The following KDM2B variants were observed in gnomAD, a reference collection of about 807,000 sequenced individuals.
The protein encoded by KDM2B is lysine demethylase 2B.
A neutral mutation model predicts 150.0 loss-of-function variants in KDM2B; 26 were observed. The ratio of observed to expected loss-of-function variants is 0.17; its 90% CI spans 0.13 to 0.24. The LOEUF (loss-of-function observed/expected upper bound fraction) is 0.24, where lower values mean the gene tolerates loss of function less well. Among genes scored for constraint, KDM2B ranks in the 10% least tolerant of loss-of-function variants. KDM2B has a pLI of 1.00. For synonymous variants in KDM2B, 734 were observed against 729.5 expected (o/e 1.01, Z -0.10); for missense variants, 1,265 against 1,816.9 (o/e 0.70, Z 5.52).
chr12:121,508,052 G>T (rs1056147810), intron 11 of KDM2B, among the ~76,000 whole-genome samples: 1 of 152,092 alleles, frequency 6.6e-6, no homozygotes, highest in African/African-American at 2.4e-5. Flanking sequence ...CTTTCCAAAA[G>T]CATGGAAAGA....
At chr12:121,499,843 G>A (rs1042499618) in intron 11 of KDM2B, among the ~76,000 whole-genome samples, 1 of 151,866 alleles carries the variant, frequency 6.6e-6, no homozygotes, top group Non-Finnish European at 1.5e-5. Flanking sequence ...TTAGCTGCTC[G>A]GGAGACTGAG....
chr12:121,577,132 T>C (rs1306529342), intron 2 of KDM2B, among the ~76,000 whole-genome samples: 5 of 152,094 alleles, frequency 3.3e-5, no homozygotes, highest in Admixed American at 2.6e-4. Flanking sequence ...CCCTGGGCCC[T>C]CCCCTTTGAA....
At chr12:121,546,445 C>T (rs1205541375) in intron 6 of KDM2B, among the ~76,000 whole-genome samples, 5 of 137,010 alleles carry the variant, frequency 3.6e-5, no homozygotes, top group African/African-American at 1.4e-4. Flanking sequence ...TGCAGTGGCG[C>T]GATCTCGGCT....
chr12:121,548,469 C>T (rs1889234993), intron 6 of KDM2B, among the ~76,000 whole-genome samples: 3 of 152,178 alleles, frequency 2.0e-5, no homozygotes, highest in African/African-American at 7.2e-5. Flanking sequence ...CCCCATTGCT[C>T]ACCAAAACCA....
Position 121,509,654 on chromosome 12 carries a change from C to G in KDM2B, c.1560G>C (p.Leu520=), listed in dbSNP as rs1555303519. The G allele has an allele frequency of 6.2e-7, 1 of 1,613,920 alleles. No individual in the cohort carries two copies. Among genetic ancestry groups the G allele is most frequent in the Non-Finnish European group, 8.5e-7 (1 of 1,180,030 alleles). The change falls in exon 11 of 23, where the codon CTG becomes CTC. Residue 520 remains leucine (L), a synonymous_variant. Coordinates refer to ENST00000377071, the MANE Select transcript of KDM2B (RefSeq NM_032590.5). ...CCGGGAGGGATTCCAGTTTCTCCAC[C>G]AGAGCTTTCAGGCCCTTCAGTTCAA... is the stretch of plus-strand genomic sequence containing the variant. ...TEFELKGLKA[L]VEKLESLPEN...
intron 21 of KDM2B, 30 bp from the exon 22 acceptor site, chr12:121,440,105 G>A (rs376583055): frequency 7.8e-6 from 12 of 1,544,252 alleles, no homozygotes; most frequent in Middle Eastern, 2.2e-4. Context: ...GGGGCAACCC[G>A]TCAATCTGAC....
chr12:121,423,778 G>A, the KDM2B span: 1 of 541,342 alleles, frequency 1.8e-6, no homozygotes, highest in African/African-American at 1.9e-5. The surrounding 1 kb of genome is among the most constrained non-coding windows in gnomAD (Gnocchi z 4.3). Context: ...GGACACGTGA[G>A]CTTCCCGGGC....
At position 121,574,565 on chromosome 12, in the gene KDM2B, C is replaced by T; in HGVS notation, c.379G>A (p.Asp127Asn). ...KMPDPDFTVR[D>N]VKLLVGSRRL... is the part of the protein sequence containing the mutation. ...GACTTACCCACTAGGAGTTTGACGT[C>T]TCGGACTGTGAAATCAGGGTCAGGC... is the stretch of plus-strand genomic sequence containing the variant. The change falls in exon 4 of 23, where the codon GAC (aspartate) becomes AAC (asparagine). Residue 127 changes from aspartate (D) to asparagine (N), a missense_variant. By Grantham distance (23) the Asp-to-Asn change is conservative (BLOSUM62 1). Transcript: ENST00000377071. The T allele has an allele frequency of 6.2e-7, 1 of 1,614,032 alleles. No individual in the cohort carries two copies. Among genetic ancestry groups the T allele is most frequent in the Non-Finnish European group, 8.5e-7 (1 of 1,179,958 alleles).
intron 4 of KDM2B, among the ~76,000 whole-genome samples, chr12:121,570,810 C>T (rs1891035909): frequency 6.6e-6 from 1 of 152,178 alleles, no homozygotes; most frequent in Admixed American, 6.5e-5. Context: ...AGCAATTCCA[C>T]TCCTAAAGAT....
At chr12:121,522,266 A>T (rs1216115318) in intron 8 of KDM2B, among the ~76,000 whole-genome samples, 6 of 152,212 alleles carry the variant, frequency 3.9e-5, no homozygotes, top group African/African-American at 1.2e-4. Flanking sequence ...CTGTAATCCC[A>T]GCACTTTGGG....
At chr12:121,482,508 T>C (rs1003006728) in intron 12 of KDM2B, among the ~76,000 whole-genome samples, 3 of 151,954 alleles carry the variant, frequency 2.0e-5, no homozygotes, top group Non-Finnish European at 4.4e-5. Context: ...CACCATGTTG[T>C]CCAGGATGGT....
intron 8 of KDM2B, among the ~76,000 whole-genome samples, chr12:121,522,282 G>A (rs552639581): frequency 1.3e-4 from 20 of 152,172 alleles, no homozygotes; most frequent in Admixed American, 7.9e-4. Context: ...TTGGGAGGCC[G>A]AGGTGGGCGG....
chr12:121,470,920 A>G (rs1593863742), intron 12 of KDM2B, among the ~76,000 whole-genome samples: 1 of 152,234 alleles, frequency 6.6e-6, no homozygotes, highest in Non-Finnish European at 1.5e-5. Flanking sequence ...TGGTTAGGAC[A>G]TGATAACGTA....
At chr12:121,576,286 G>A (rs1327013848) in intron 2 of KDM2B, among the ~76,000 whole-genome samples, 1 of 152,218 alleles carries the variant, frequency 6.6e-6, no homozygotes, top group African/African-American at 2.4e-5. Context: ...CACCTGGGAG[G>A]ATCTGAAGGC....
chr12:121,509,534 G>T, intron 11 of KDM2B, 33 bp downstream of exon 11: 1 of 1,602,216 alleles, frequency 6.2e-7, no homozygotes, highest in South Asian at 1.1e-5. Flanking sequence ...GGCCCTCCTC[G>T]GCCGCCCAGC....
intron 11 of KDM2B, among the ~76,000 whole-genome samples, chr12:121,504,913 G>A (rs547721218): frequency 3.3e-5 from 5 of 152,134 alleles, no homozygotes; most frequent in East Asian, 1.9e-4. Flanking sequence ...TCAGGAGATC[G>A]AGACCATCCT....
chr12:121,548,761 A>G, intron 6 of KDM2B, 116 bp downstream of exon 6: 1 of 752,036 alleles, frequency 1.3e-6, no homozygotes, highest in Non-Finnish European at 2.3e-6. Flanking sequence ...TCTGAACGGG[A>G]GCGGTTGTGA....
chr12:121,479,321 G>A (rs1881794313), intron 12 of KDM2B, among the ~76,000 whole-genome samples: 1 of 143,028 alleles, frequency 7.0e-6, no homozygotes, highest in Admixed American at 7.0e-5. Context: ...CAAAAAATTA[G>A]CCAGGCATGG....
At chr12:121,465,916 TAAA>T (rs1566300199) in intron 12 of KDM2B, among the ~76,000 whole-genome samples, 1 of 152,116 alleles carries the variant, frequency 6.6e-6, no homozygotes, top group East Asian at 1.9e-4. Context: ...ACTGACTTAA[TAAA>T]AGTTCAAGCC....
Sources: allele counts gnomAD v4.1 joint callset (sites outside exome capture counted in the v4.1 genomes callset), GRCh38; gene constraint gnomAD v4.1.1; non-coding constraint Gnocchi (gnomAD v3.1); transcripts MANE v1.5; gene names NCBI Gene and HGNC (gene_info 2026-07-23, HGNC 2026-07-21).